Variants in TMCO6 observed in about 807,000 individuals in gnomAD.
The protein encoded by TMCO6 is transmembrane and coiled-coil domain-containing protein 6.
Under a neutral mutation model 61.8 loss-of-function variants are expected in TMCO6, and 47 were observed. The ratio of observed to expected loss-of-function variants is 0.76; its 90% confidence interval spans 0.60 to 0.97. The LOEUF (loss-of-function observed/expected upper bound fraction) is 0.97, where lower values mean the gene tolerates loss of function less well. TMCO6 is among the 50% of genes least tolerant of loss of function. TMCO6 has a pLI of 0.00. For missense variants in TMCO6, 557 were observed against 601.6 expected (o/e 0.93, Z 0.78); for synonymous variants, 261 against 254.2 (o/e 1.03, Z -0.25).
At position 140,645,060 on chromosome 5, in the gene TMCO6, C is replaced by G; in HGVS notation, c.1444C>G (p.Arg482Gly). 6.2e-7 allele frequency: 1 copy of G among 1,614,242 alleles called. No individual in the cohort carries two copies. Among genetic ancestry groups the G allele is most frequent in the East Asian group, 2.2e-5 (1 of 44,890 alleles). Reference sequence around the variant, plus strand: ...TCAGGAAGAGGCCCAGCTCCAGGATCGTGTGTATGCTCTCCAGCAGACAGC... The same window carrying G: ...TCAGGAAGAGGCCCAGCTCCAGGATGGTGTGTATGCTCTCCAGCAGACAGC... ...RHQEEAQLQD[R>G]VYALQQTALQ... Residue 482 changes from arginine (R) to glycine (G), a missense_variant, in exon 12 of 12, where the codon CGT becomes GGT. Coordinates refer to ENST00000394671, the MANE Select transcript of TMCO6 (RefSeq NM_018502.5).
chr5:140,603,679 T>G, the TMCO6 span, among the ~76,000 whole-genome samples: 187 of 36,124 alleles, frequency 5.2e-3, 1 homozygote, highest in Middle Eastern at 0.044. Flanking sequence ...ATATTTGGGG[T>G]TTTTTTTTGC....
chr5:140,596,660 G>T, the TMCO6 span, among the ~76,000 whole-genome samples: 1 of 152,146 alleles, frequency 6.6e-6, no homozygotes, highest in African/African-American at 2.4e-5. Flanking sequence ...GAACAGCCTG[G>T]GCTCTGTTCC....
rs1054419779 is a variant in TMCO6 at position 140,645,261 on chromosome 5, A to G, written c.*163A>G. The G allele has an allele frequency of 3.9e-6, 3 of 763,082 alleles. No homozygotes were observed. Among genetic ancestry groups the G allele is most frequent in the Non-Finnish European group, 4.3e-6 (2 of 461,822 alleles). 47.3% of individuals were successfully genotyped at this position (763,082 alleles called of 1,614,324 possible). A position where few individuals can be genotyped will look rare whatever the true frequency, so the allele number is the denominator to read the frequency against. On this transcript the variant is annotated 3_prime_UTR_variant, in exon 12 of 12. Transcript: ENST00000394671. ...AGCTCCTCCCCTTCCACTCAGCACT[A>G]TCCAGGCAGGAGGACCAAAAGGGAC... is the stretch of plus-strand genomic sequence containing the variant.
chr5:140,645,835 A>G (rs1311812135), downstream of TMCO6: 2 of 1,307,698 alleles, frequency 1.5e-6, no homozygotes, highest in African/African-American at 1.5e-5. Context: ...AATTAATACA[A>G]TAGGTCTCAA....
chr5:140,627,153 G>C, the TMCO6 span, among the ~76,000 whole-genome samples: 5 of 150,508 alleles, frequency 3.3e-5, no homozygotes, highest in Non-Finnish European at 5.9e-5. Flanking sequence ...ATGTAAAACT[G>C]TTTCTCTACT....
upstream of TMCO6, among the ~76,000 whole-genome samples, chr5:140,635,074 G>A (rs1389803043): frequency 6.6e-6 from 1 of 152,200 alleles, no homozygotes; most frequent in Admixed American, 6.5e-5. Context: ...GAGCCACCGT[G>A]CCCGGCAGAA....
At chr5:140,605,107 A>G in the TMCO6 span, among the ~76,000 whole-genome samples, 1 of 152,326 alleles carries the variant, frequency 6.6e-6, no homozygotes, top group East Asian at 1.9e-4. Context: ...AAACATGTAA[A>G]TGAAATTATT....
rs750452190 is a variant in TMCO6, at chr5:140,642,054, G to T, written c.498+1G>T. 4.4e-6 allele frequency: 7 copies of T among 1,601,574 alleles called. No homozygotes were observed. The African/African-American group carries it at 8.0e-5, about 18-fold the overall frequency. On this transcript the variant is annotated splice_donor_variant, in intron 4 of 11. Coordinates refer to ENST00000394671, the MANE Select transcript of TMCO6 (RefSeq NM_018502.5). LOFTEE classifies it high-confidence loss of function. The stretch of plus-strand genomic sequence containing the variant: ...CTCCAGTCACAGCTCAGACTTCATA[G>T]TAAGCCCTGTCCCTTCCTATCTTGT...
At position 140,645,235 on chromosome 5, in the gene TMCO6, C is replaced by T. The variant is rs1034616911; in HGVS notation, c.*137C>T. On this transcript the variant is annotated 3_prime_UTR_variant, in exon 12 of 12. Transcript: ENST00000394671. ...CACCTAAGCCAAGACCTTTGGGTCC[C>T]AGCTCCTCCCCTTCCACTCAGCACT... is the stretch of plus-strand genomic sequence containing the variant. 1.2e-6 allele frequency: 1 copy of T among 850,072 alleles called. No homozygotes were observed. Among genetic ancestry groups the T allele is most frequent in the Non-Finnish European group, 1.9e-6 (1 of 536,528 alleles). The allele number at this position is 850,072 out of a possible 1,614,324, so 52.7% of individuals were successfully genotyped here. A position where few individuals can be genotyped will look rare whatever the true frequency, so the allele number is the denominator to read the frequency against.
the TMCO6 span, among the ~76,000 whole-genome samples, chr5:140,603,410 C>A: frequency 6.6e-6 from 1 of 152,094 alleles, no homozygotes; most frequent in Middle Eastern, 3.2e-3. Context: ...CAGGTTCAAG[C>A]GCTTTTCCTG....
the TMCO6 span, among the ~76,000 whole-genome samples, chr5:140,626,529 T>C: frequency 6.6e-6 from 1 of 152,202 alleles, no homozygotes; most frequent in African/African-American, 2.4e-5. Flanking sequence ...GCCTCCCAAG[T>C]GTCTGGGATT....
At chr5:140,642,130 G>T in intron 4 of TMCO6, 77 bp downstream of exon 4, 1 of 1,540,464 alleles carries the variant, frequency 6.5e-7, no homozygotes, top group South Asian at 1.2e-5. Flanking sequence ...TGAGCTGGCA[G>T]GTAGGAGGAA....
At chr5:140,616,551 C>T in the TMCO6 span, among the ~76,000 whole-genome samples, 7 of 151,894 alleles carry the variant, frequency 4.6e-5, no homozygotes, top group East Asian at 1.9e-4. Context: ...GACAGAGAGA[C>T]CTTGTCTCTA....
the TMCO6 span, among the ~76,000 whole-genome samples, chr5:140,610,124 G>A: frequency 3.6e-4 from 54 of 150,074 alleles, no homozygotes; most frequent in African/African-American, 1.1e-3. Context: ...TGAGGTGGGC[G>A]GATTGCCTGA....
the TMCO6 span, among the ~76,000 whole-genome samples, chr5:140,604,082 C>A: frequency 6.6e-6 from 1 of 152,110 alleles, no homozygotes; most frequent in Non-Finnish European, 1.5e-5. Context: ...AATTTGCGTT[C>A]CCTTTATGAT....
upstream of TMCO6, among the ~76,000 whole-genome samples, chr5:140,635,431 C>G (rs1028345068): frequency 3.3e-5 from 5 of 152,208 alleles, no homozygotes; most frequent in South Asian, 1.0e-3. Context: ...GTCTTGATGA[C>G]TAGTCTTCTT....
the TMCO6 span, among the ~76,000 whole-genome samples, chr5:140,617,474 G>A: frequency 5.3e-5 from 8 of 152,112 alleles, no homozygotes; most frequent in East Asian, 3.8e-4. Context: ...TTGCTTGAAC[G>A]TAGAGGGCTG....
chr5:140,627,203 CTTTT>C, the TMCO6 span, among the ~76,000 whole-genome samples: 20 of 147,742 alleles, frequency 1.4e-4, no homozygotes, highest in African/African-American at 2.0e-4. Flanking sequence ...GTCTCAGCAA[CTTTT>C]TTTTTTTTTT....
chr5:140,633,443 C>T, the TMCO6 span: 5 of 432,192 alleles, frequency 1.2e-5, no homozygotes, highest in Admixed American at 1.7e-4. Context: ...GAGCCTAAGC[C>T]TTCTCTGGTG....
Sources: gnomAD v4.1 joint callset for allele counts (sites outside exome capture counted in the v4.1 genomes callset) on GRCh38, gnomAD v4.1.1 for gene constraint, MANE v1.5 for transcripts, NCBI Gene and HGNC (gene_info 2026-07-23, HGNC 2026-07-21) for gene names.